Variants in LCLAT1 observed in about 807,000 individuals in gnomAD.
LCLAT1 encodes lysocardiolipin acyltransferase 1, also known as 1-AGP acyltransferase 8.
Under a neutral mutation model 30.7 loss-of-function variants are expected in LCLAT1, and 11 were observed. The observed-to-expected ratio is 0.36, with a 90% CI of 0.23 to 0.59. The LOEUF (loss-of-function observed/expected upper bound fraction) is 0.59, where lower values mean the gene tolerates loss of function less well. Among genes scored for constraint, LCLAT1 ranks in the 20% least tolerant of loss-of-function variants. LCLAT1 has a pLI of 0.77. For synonymous variants in LCLAT1, 155 were observed against 151.3 expected (o/e 1.02, Z -0.18); for missense variants, 402 against 458.6 (o/e 0.88, Z 1.13).
chr2:30,598,564 GT>G (rs1667036102), intron 5 of LCLAT1, among the ~76,000 whole-genome samples: 1 of 151,934 alleles, frequency 6.6e-6, no homozygotes, highest in Non-Finnish European at 1.5e-5. Flanking sequence ...CTAGCTAGCA[GT>G]CTATTTTATT....
intron 1 of LCLAT1, among the ~76,000 whole-genome samples, chr2:30,464,343 A>T (rs532920583): frequency 2.6e-5 from 4 of 152,164 alleles, no homozygotes; most frequent in African/African-American, 9.7e-5. Context: ...AAACTGCTTG[A>T]TTCTGGAGGA....
chr2:30,488,476 C>T (rs1558470656), intron 1 of LCLAT1, among the ~76,000 whole-genome samples: 2 of 152,244 alleles, frequency 1.3e-5, no homozygotes, highest in African/African-American at 4.8e-5. Context: ...TGGCAATTGC[C>T]TGATGGCACT....
intron 3 of LCLAT1, among the ~76,000 whole-genome samples, chr2:30,534,057 T>C (rs1329567163): frequency 3.3e-5 from 5 of 152,206 alleles, no homozygotes; most frequent in Admixed American, 1.3e-4. Context: ...TTTATACTTC[T>C]GTGGTTTACC....
At chr2:30,635,284 ACT>A (rs1182763714) in intron 5 of LCLAT1, among the ~76,000 whole-genome samples, 1 of 150,332 alleles carries the variant, frequency 6.7e-6, no homozygotes, top group Non-Finnish European at 1.5e-5. Context: ...AAGATAGTCA[ACT>A]CTCCCTCCTT....
chr2:30,459,723 G>GT, intron 1 of LCLAT1: 2 of 1,598,848 alleles, frequency 1.3e-6, no homozygotes, highest in South Asian at 2.2e-5. Flanking sequence ...AAAGCTTTGG[G>GT]TAAGTCTTTG....
intron 3 of LCLAT1, among the ~76,000 whole-genome samples, chr2:30,547,553 G>C (rs1037408638): frequency 2.6e-5 from 4 of 152,082 alleles, no homozygotes; most frequent in Non-Finnish European, 5.9e-5. Context: ...GAGTCTGTTG[G>C]AGTCTCTGGG....
In LCLAT1 at chr2:30,643,698, C is replaced by T. The variant is rs573869048; in HGVS notation, c.*3079C>T. On this transcript the variant is annotated 3_prime_UTR_variant, in exon 6 of 6. Transcript: ENST00000379509. The stretch of plus-strand genomic sequence containing the variant: ...TGTGCATTTACAATAAAGACTCCAA[C>T]GGAGGGAGCCTGTTGGTGTTAAATT... 4.6e-5 allele frequency: 7 copies of T among 152,772 alleles called. No individual in the cohort carries two copies. Among genetic ancestry groups the T allele is most frequent in the South Asian group, 4.1e-4 (2 of 4,828 alleles). The allele number at this position is 152,772 out of a possible 1,614,324, so 9.5% of individuals were successfully genotyped here. A position where few individuals can be genotyped will look rare whatever the true frequency, so the allele number is the denominator to read the frequency against.
At chr2:30,589,885 CT>C in intron 5 of LCLAT1, among the ~76,000 whole-genome samples, 1 of 152,282 alleles carries the variant, frequency 6.6e-6, no homozygotes, top group Admixed American at 6.5e-5. Flanking sequence ...GGCCAGGATT[CT>C]TTTTCCATTC....
chr2:30,591,858 C>T (rs1321113583), intron 5 of LCLAT1, among the ~76,000 whole-genome samples: 1 of 152,084 alleles, frequency 6.6e-6, no homozygotes, highest in Non-Finnish European at 1.5e-5. Flanking sequence ...TGGTTATTGC[C>T]CTTCTTAGAA....
chr2:30,585,836 A>G (rs76572683), intron 5 of LCLAT1, among the ~76,000 whole-genome samples: 19,324 of 152,132 alleles, frequency 0.13, 1,357 homozygotes, highest in South Asian at 0.23. Flanking sequence ...TACCTGTACT[A>G]GCATTTAGCT....
At chr2:30,469,898 T>G (rs1682688590) in intron 1 of LCLAT1, among the ~76,000 whole-genome samples, 1 of 151,914 alleles carries the variant, frequency 6.6e-6, no homozygotes, top group Admixed American at 6.6e-5. Flanking sequence ...TGGCCCTAAT[T>G]TTTGTATTTT....
intron 1 of LCLAT1, among the ~76,000 whole-genome samples, chr2:30,452,281 C>A (rs1258001478): frequency 6.6e-6 from 1 of 151,718 alleles, no homozygotes; most frequent in Non-Finnish European, 1.5e-5. Flanking sequence ...GATCACTTAA[C>A]TTTAAATGAG....
chr2:30,619,526 A>T (rs79404621), intron 5 of LCLAT1, among the ~76,000 whole-genome samples: 2 of 152,210 alleles, frequency 1.3e-5, no homozygotes, highest in Non-Finnish European at 2.9e-5. Context: ...AATAAAAAAG[A>T]TACTTTACTC....
chr2:30,587,047 C>T (rs1666475947), intron 5 of LCLAT1, among the ~76,000 whole-genome samples: 1 of 152,146 alleles, frequency 6.6e-6, no homozygotes, highest in African/African-American at 2.4e-5. Flanking sequence ...TTCCGCTAAA[C>T]CTGAACACTC....
chr2:30,557,303 T>TGTGTGTGTGC (rs1164206553), intron 3 of LCLAT1, among the ~76,000 whole-genome samples: 65 of 151,536 alleles, frequency 4.3e-4, no homozygotes, highest in African/African-American at 1.5e-3. Context: ...TGTGTGTGTG[T>TGTGTGTGTGC]GTGTGTGTGT....
At chr2:30,559,232 G>A (rs548036264) in intron 3 of LCLAT1, among the ~76,000 whole-genome samples, 160 of 152,306 alleles carry the variant, frequency 1.1e-3, no homozygotes, top group African/African-American at 3.6e-3. Context: ...GAGTATTTTA[G>A]AAATGTTCAA....
chr2:30,556,035 C>T (rs997489184), intron 3 of LCLAT1, among the ~76,000 whole-genome samples: 4 of 151,850 alleles, frequency 2.6e-5, no homozygotes, highest in African/African-American at 9.7e-5. Flanking sequence ...ACCTTGTGAT[C>T]CGCCCACCTC....
At chr2:30,623,045 A>G (rs1234724466) in intron 5 of LCLAT1, among the ~76,000 whole-genome samples, 4 of 129,376 alleles carry the variant, frequency 3.1e-5, no homozygotes, top group Non-Finnish European at 6.3e-5. Context: ...CAATTCAAAG[A>G]ATTTTTTTTT....
intron 1 of LCLAT1, among the ~76,000 whole-genome samples, chr2:30,497,459 A>G (rs1175715044): frequency 6.6e-6 from 1 of 152,232 alleles, no homozygotes. Flanking sequence ...CTTTGCATTA[A>G]TAACTATTTT....
Sources: allele counts gnomAD v4.1 joint callset (sites outside exome capture counted in the v4.1 genomes callset), GRCh38; gene constraint gnomAD v4.1.1; transcripts MANE v1.5; gene names NCBI Gene and HGNC (gene_info 2026-07-23, HGNC 2026-07-21).